Variants in MSANTD3 observed in about 807,000 individuals in gnomAD.
MSANTD3 encodes the protein Myb/SANT DNA binding domain containing 3.
A neutral mutation model predicts 27.7 loss-of-function variants in MSANTD3; 11 were observed. That is an observed-to-expected ratio of 0.40 (90% CI 0.25 to 0.66). MSANTD3 has a LOEUF of 0.66. Among genes scored for constraint, MSANTD3 ranks in the 30% least tolerant of loss-of-function variants. The pLI is 0.41. For missense variants in MSANTD3, 250 were observed against 336.5 expected, an observed-to-expected ratio of 0.74 and a Z score of 2.01; for synonymous variants, 131 against 127.2, an observed-to-expected ratio of 1.03 and a Z score of -0.20.
At chr9:100,433,375 CT>C (rs201550861) in intron 1 of MSANTD3, among the ~76,000 whole-genome samples, 4 of 151,876 alleles carry the variant, frequency 2.6e-5, no homozygotes, top group African/African-American at 9.7e-5. Flanking sequence ...ATTATACTAC[CT>C]TTTTTTTCTT....
chr9:100,427,436 C>CGGGGGT (rs1414345472), intron 1 of MSANTD3, 43 bp downstream of exon 1: 1 of 148,078 alleles, frequency 6.8e-6, no homozygotes, highest in Non-Finnish European at 1.5e-5. Flanking sequence ...CGGGCGGGGG[C>CGGGGGT]GGGGGTGGGG....
intron 1 of MSANTD3, among the ~76,000 whole-genome samples, chr9:100,438,042 C>T (rs531953440): frequency 2.2e-4 from 34 of 152,134 alleles, no homozygotes; most frequent in Non-Finnish European, 4.1e-4. Flanking sequence ...CCCCACAAGT[C>T]CACCACCACC....
chr9:100,435,034 A>C (rs958968609), intron 1 of MSANTD3, among the ~76,000 whole-genome samples: 1 of 152,234 alleles, frequency 6.6e-6, no homozygotes, highest in Admixed American at 6.5e-5. Context: ...AAGCAGTTTA[A>C]TATGGGTGGG....
intron 2 of MSANTD3, chr9:100,449,115 G>A (rs768670140): frequency 9.1e-6 from 9 of 985,186 alleles, no homozygotes; most frequent in East Asian, 1.1e-4. Context: ...GAAGATGCTC[G>A]TTATTGGAAA....
At chr9:100,450,488 T>G in intron 2 of MSANTD3, 69 bp from the exon 3 acceptor site, 1 of 1,390,458 alleles carries the variant, frequency 7.2e-7, no homozygotes, top group East Asian at 2.3e-5. Flanking sequence ...TCATTTGAAA[T>G]AGGATTGGTT....
Position 100,434,987 on chromosome 9 carries a change from A to G in MSANTD3, c.-33-6919A>G, listed in dbSNP as rs188785799. 4.2e-3 allele frequency among the ~76,000 whole-genome samples: 586 copies of G among 140,204 alleles called. 5 individuals are homozygous for G. The South Asian group carries it at 0.044, about 11-fold the overall frequency. The allele number at this position is 140,204 out of a possible 152,430, so 92.0% of individuals were successfully genotyped here. ...ACACACCATACACACACACACACAC[A>G]CACGTGCGCACACACACAGTATTAT... is the stretch of plus-strand genomic sequence containing the variant. On this transcript the variant is annotated intron_variant, in intron 1 of 2. Transcript: ENST00000395067.
At chr9:100,449,410 A>G (rs1305913829) in intron 2 of MSANTD3, among the ~76,000 whole-genome samples, 1 of 152,252 alleles carries the variant, frequency 6.6e-6, no homozygotes, top group Non-Finnish European at 1.5e-5. Flanking sequence ...TCATGGTGCC[A>G]AAACAATACT....
At chr9:100,442,455 A>G in intron 2 of MSANTD3, 99 bp downstream of exon 2, 1 of 1,481,222 alleles carries the variant, frequency 6.8e-7, no homozygotes, top group Non-Finnish European at 8.9e-7. Flanking sequence ...TAAAAATGAA[A>G]CTTTTGTATC....
intron 1 of MSANTD3, among the ~76,000 whole-genome samples, chr9:100,431,079 C>T (rs10989091): frequency 0.057 from 8,677 of 151,638 alleles, 491 homozygotes; most frequent in South Asian, 0.24. Flanking sequence ...CTCGGCTCAC[C>T]GCAACTTCCA....
intron 1 of MSANTD3, among the ~76,000 whole-genome samples, chr9:100,440,482 C>A (rs1740153563): frequency 6.6e-6 from 1 of 152,086 alleles, no homozygotes; most frequent in South Asian, 2.1e-4. Context: ...TTTTAAAAAA[C>A]AGCCCGCATA....
chr9:100,441,890 A>T lies in MSANTD3; in HGVS notation c.-33-16A>T. 6.5e-7 allele frequency: 1 copy of T among 1,538,128 alleles called. No homozygotes were observed. The highest frequency in any genetic ancestry group is 8.7e-7 in the Non-Finnish European group (1 of 1,144,646). On this transcript the variant is annotated splice_polypyrimidine_tract_variant and intron_variant, in intron 1 of 2. Transcript: ENST00000395067. ...TGCTGGAGTTGGTAATCATTGCTTC[A>T]AACTTCCTTTTACAGGATAGCTAGC...
At chr9:100,430,344 AG>A (rs1836344513) in intron 1 of MSANTD3, among the ~76,000 whole-genome samples, 1 of 143,598 alleles carries the variant, frequency 7.0e-6, no homozygotes, top group African/African-American at 2.6e-5. Flanking sequence ...AAAAAAAAAG[AG>A]AGATTGAAAA....
At position 100,441,984 on chromosome 9, in the gene MSANTD3, T is replaced by C. The variant is rs148380642; in HGVS notation, c.46T>C (p.Leu16=). The change falls in exon 2 of 3, where the codon TTG becomes CTG. Residue 16 remains leucine, a synonymous_variant. Transcript: ENST00000395067. ...IIKPAKYFSE[L]EKSILLALVE... is the part of the protein sequence containing the mutation. ...AAAGCCTGCCAAATACTTCTCAGAATTGGAAAAGAGCATCCTGCTGGCTTT... is the reference window on the plus strand; with the variant it reads ...AAAGCCTGCCAAATACTTCTCAGAACTGGAAAAGAGCATCCTGCTGGCTTT... 9 of 1,613,636 alleles carry C rather than the reference T, an allele frequency of 5.6e-6. No homozygotes were observed. The African/African-American group carries it at 8.0e-5, about 14-fold the overall frequency.
chr9:100,444,364 C>G (rs1236278047), intron 2 of MSANTD3: 1 of 152,230 alleles, frequency 6.6e-6, no homozygotes, highest in African/African-American at 2.4e-5. Flanking sequence ...TATGGGGGCT[C>G]TGTCAGCTCT....
chr9:100,431,660 A>T (rs1836380145), intron 1 of MSANTD3, among the ~76,000 whole-genome samples: 1 of 152,132 alleles, frequency 6.6e-6, no homozygotes, highest in Non-Finnish European at 1.5e-5. Context: ...TATGTGCTGA[A>T]GATAGATATA....
chr9:100,430,342 AG>A, intron 1 of MSANTD3, among the ~76,000 whole-genome samples: 2 of 146,654 alleles, frequency 1.4e-5, no homozygotes, highest in African/African-American at 5.0e-5. Flanking sequence ...AAAAAAAAAA[AG>A]AGAGATTGAA....
At chr9:100,438,264 A>C (rs1284750392) in intron 1 of MSANTD3, among the ~76,000 whole-genome samples, 1 of 152,218 alleles carries the variant, frequency 6.6e-6, no homozygotes, top group Non-Finnish European at 1.5e-5. Flanking sequence ...AAATAGGGAG[A>C]TGGACATGCT....
At chr9:100,443,944 G>T (rs1218267177) in intron 2 of MSANTD3, among the ~76,000 whole-genome samples, 1 of 152,210 alleles carries the variant, frequency 6.6e-6, no homozygotes, top group East Asian at 1.9e-4. Flanking sequence ...TCAGCTTGCA[G>T]AATGGGAAAT....
At chr9:100,437,917 G>A (rs982239134) in intron 1 of MSANTD3, among the ~76,000 whole-genome samples, 15 of 152,064 alleles carry the variant, frequency 9.9e-5, no homozygotes, top group Non-Finnish European at 1.6e-4. Flanking sequence ...CATTTGTTAC[G>A]CCTACAGTAA....
Sources: allele counts gnomAD v4.1 joint callset (sites outside exome capture counted in the v4.1 genomes callset), GRCh38; gene constraint gnomAD v4.1.1; transcripts MANE v1.5; gene names NCBI Gene and HGNC (gene_info 2026-07-23, HGNC 2026-07-21).